CELF2: variants seen among roughly 807,000 people sequenced by gnomAD.
The protein encoded by CELF2 is CUGBP Elav-like family member 2, also known as CUG triplet repeat RNA-binding protein 2.
In CELF2, 8 loss-of-function variants were observed where a neutral mutation model predicts 62.6. That is an observed-to-expected ratio of 0.13 (90% CI 0.07 to 0.23). CELF2 has a LOEUF of 0.23. CELF2 is among the 10% of genes least tolerant of loss of function. CELF2 has a pLI of 1.00. For missense variants in CELF2, 333 were observed against 671.0 expected, an observed-to-expected ratio of 0.50 and a Z score of 5.56; for synonymous variants, 258 against 250.0, an observed-to-expected ratio of 1.03 and a Z score of -0.30.
the CELF2 span, among the ~76,000 whole-genome samples, chr10:10,702,128 T>G: frequency 6.6e-6 from 1 of 152,288 alleles, no homozygotes; most frequent in Admixed American, 6.5e-5. Flanking sequence ...GGTATTAAAC[T>G]TATATTCTAT....
chr10:10,515,847 G>A, the CELF2 span, among the ~76,000 whole-genome samples: 691 of 152,244 alleles, frequency 4.5e-3, 13 homozygotes, highest in Admixed American at 0.035. Context: ...ATTATTTTTC[G>A]CATTGAACAT....
At chr10:10,559,799 G>A in the CELF2 span, among the ~76,000 whole-genome samples, 4 of 152,196 alleles carry the variant, frequency 2.6e-5, no homozygotes, top group African/African-American at 7.2e-5. Context: ...GTGGACTGCT[G>A]TGCACCGCCT....
intron 1 of CELF2, among the ~76,000 whole-genome samples, chr10:11,112,269 C>T (rs974381452): frequency 6.6e-6 from 1 of 152,274 alleles, no homozygotes; most frequent in Non-Finnish European, 1.5e-5. Context: ...TGAGCTTTTT[C>T]CTTTCTTTGA....
At chr10:10,741,492 C>CAAAAAA in the CELF2 span, among the ~76,000 whole-genome samples, 14 of 57,306 alleles carry the variant, frequency 2.4e-4, no homozygotes, top group East Asian at 7.5e-4. Flanking sequence ...GACTCCGTCT[C>CAAAAAA]AAAAAAAAAA....
At chr10:10,650,297 A>G in the CELF2 span, among the ~76,000 whole-genome samples, 1 of 152,256 alleles carries the variant, frequency 6.6e-6, no homozygotes, top group East Asian at 1.9e-4. Context: ...AAGACATCTT[A>G]ATAAAAGAAT....
intron 1 of CELF2, among the ~76,000 whole-genome samples, chr10:11,090,649 A>G (rs1390733268): frequency 1.3e-5 from 2 of 152,242 alleles, no homozygotes; most frequent in African/African-American, 2.4e-5. Context: ...GAGAATAGGT[A>G]AAGATATTAT....
intron 1 of CELF2, among the ~76,000 whole-genome samples, chr10:10,847,950 A>C (rs1410608127): frequency 1.3e-5 from 2 of 152,226 alleles, no homozygotes; most frequent in African/African-American, 4.8e-5. Flanking sequence ...AGTACATTTA[A>C]TTTCACCATA....
chr10:10,659,155 T>C, the CELF2 span, among the ~76,000 whole-genome samples: 1 of 152,188 alleles, frequency 6.6e-6, no homozygotes, highest in Non-Finnish European at 1.5e-5. Context: ...AGCCTGATAA[T>C]AGTGGTTTTT....
chr10:11,293,058 C>T (rs1011110343), intron 9 of CELF2, among the ~76,000 whole-genome samples: 2 of 152,194 alleles, frequency 1.3e-5, no homozygotes, highest in Non-Finnish European at 2.9e-5. Context: ...TCAGGGTCCA[C>T]CTGGACCACC....
At chr10:11,185,448 CTT>C (rs1250254851) in intron 2 of CELF2, among the ~76,000 whole-genome samples, 4 of 152,190 alleles carry the variant, frequency 2.6e-5, no homozygotes, top group Non-Finnish European at 4.4e-5. Flanking sequence ...GAGTTTCACT[CTT>C]GTCACCCAGG....
chr10:11,096,027 T>C (rs1274128711), intron 1 of CELF2, among the ~76,000 whole-genome samples: 2 of 152,216 alleles, frequency 1.3e-5, no homozygotes, highest in African/African-American at 2.4e-5. Context: ...AACAGCTCCT[T>C]CTACCTCCTC....
chr10:11,019,070 T>G (rs1410721161), intron 1 of CELF2, among the ~76,000 whole-genome samples: 1 of 152,156 alleles, frequency 6.6e-6, no homozygotes, highest in African/African-American at 2.4e-5. Flanking sequence ...TGGAAAGAAG[T>G]AGAGAGCTGG....
chr10:11,214,739 G>A lies in CELF2; in HGVS notation c.272-2686G>A, dbSNP rs1021550248. On this transcript the variant is annotated intron_variant, in intron 2 of 12. Transcript: ENST00000633077. This position sits in a 1 kb window ranked among gnomAD's most constrained non-coding sequence, Gnocchi z 4.2. ...GAACTAGAGCTTCTCTTGGCATGAT[G>A]TTAAAGAATACCTGTTTAGATGAGT... Among the ~76,000 whole-genome samples, 3 of 152,234 alleles carry A rather than the reference G, an allele frequency of 2.0e-5. No homozygotes were observed. Among genetic ancestry groups the A allele is most frequent in the Non-Finnish European group, 4.4e-5 (3 of 68,046 alleles).
chr10:11,193,866 C>T (rs2056689364), intron 2 of CELF2, among the ~76,000 whole-genome samples: 1 of 152,068 alleles, frequency 6.6e-6, no homozygotes, highest in Non-Finnish European at 1.5e-5. Flanking sequence ...AGTATTGGTT[C>T]TCAGTATAAC....
At chr10:11,203,687 A>T (rs985348645) in intron 2 of CELF2, among the ~76,000 whole-genome samples, 2 of 152,208 alleles carry the variant, frequency 1.3e-5, no homozygotes. Flanking sequence ...TTTAAAGTTG[A>T]TCGCTGTCAA....
chr10:10,738,202 G>T, the CELF2 span, among the ~76,000 whole-genome samples: 1 of 152,178 alleles, frequency 6.6e-6, no homozygotes, highest in Non-Finnish European at 1.5e-5. Flanking sequence ...AGATGAACTA[G>T]GTTAGGGTAT....
chr10:11,286,649 C>T (rs1038289584), intron 8 of CELF2, among the ~76,000 whole-genome samples: 2 of 152,220 alleles, frequency 1.3e-5, no homozygotes, highest in Non-Finnish European at 2.9e-5. Context: ...CAGGGCCTCT[C>T]AACACCCACG....
At chr10:11,112,613 T>C (rs1435276168) in intron 1 of CELF2, among the ~76,000 whole-genome samples, 1 of 152,236 alleles carries the variant, frequency 6.6e-6, no homozygotes, top group Non-Finnish European at 1.5e-5. Context: ...GAAAGATGTC[T>C]TGATGTTTAG....
intron 1 of CELF2, among the ~76,000 whole-genome samples, chr10:10,812,419 C>T (rs1470085440): frequency 6.6e-6 from 1 of 152,142 alleles, no homozygotes; most frequent in East Asian, 1.9e-4. Flanking sequence ...TGGGTGGGGA[C>T]ACAGCCAAAC....
Sources: gnomAD v4.1 joint callset for allele counts (sites outside exome capture counted in the v4.1 genomes callset) on GRCh38, gnomAD v4.1.1 for gene constraint, Gnocchi (gnomAD v3.1) non-coding constraint, MANE v1.5 for transcripts, NCBI Gene and HGNC (gene_info 2026-07-23, HGNC 2026-07-21) for gene names.